The following PALM2AKAP2 variants were observed in gnomAD, a reference collection of about 807,000 sequenced individuals.
PALM2AKAP2 encodes the protein PALM2-AKAP2 fusion protein.
Under a neutral mutation model 71.5 loss-of-function variants are expected in PALM2AKAP2, and 37 were observed. The observed-to-expected ratio is 0.52, with a 90% CI of 0.40 to 0.68. PALM2AKAP2 has a LOEUF of 0.68. Ranked by LOEUF, PALM2AKAP2 falls within the 30% of genes least tolerant of loss-of-function variation. The probability of loss-of-function intolerance (pLI) is 0.00; values close to 1 mark genes in which losing one functional copy is unlikely to be tolerated. For missense variants in PALM2AKAP2, 1,224 were observed against 1,191.8 expected (o/e 1.03, Z -0.40); for synonymous variants, 468 against 478.8 (o/e 0.98, Z 0.29).
At chr9:109,828,124 T>C (rs1288674580) in intron 1 of PALM2AKAP2, among the ~76,000 whole-genome samples, 1 of 152,142 alleles carries the variant, frequency 6.6e-6, no homozygotes, top group African/African-American at 2.4e-5. Context: ...TAAAATACTG[T>C]AGTTGAGGGA....
intron 1 of PALM2AKAP2, among the ~76,000 whole-genome samples, chr9:110,103,787 A>G (rs1361670591): frequency 2.6e-5 from 4 of 152,212 alleles, no homozygotes; most frequent in Non-Finnish European, 5.9e-5. Flanking sequence ...TTGAGATGCT[A>G]TCTGAGGCCA....
At chr9:109,730,889 C>T (rs184586544) in intron 1 of PALM2AKAP2, among the ~76,000 whole-genome samples, 2 of 151,932 alleles carry the variant, frequency 1.3e-5, no homozygotes, top group East Asian at 1.9e-4. Context: ...TCTTGAATAG[C>T]GCTCATTTGC....
chr9:109,826,239 T>C (rs1241580461), intron 1 of PALM2AKAP2, among the ~76,000 whole-genome samples: 1 of 151,928 alleles, frequency 6.6e-6, no homozygotes, highest in Non-Finnish European at 1.5e-5. Flanking sequence ...GGGGGAGGGA[T>C]AGCATTAGGA....
chr9:109,757,652 T>G (rs1004252468), intron 1 of PALM2AKAP2, among the ~76,000 whole-genome samples: 1 of 152,018 alleles, frequency 6.6e-6, no homozygotes, highest in Non-Finnish European at 1.5e-5. Context: ...AGAGAATCCA[T>G]GTTCACTTCC....
intron 1 of PALM2AKAP2, among the ~76,000 whole-genome samples, chr9:109,641,241 T>C (rs1827064142): frequency 6.6e-6 from 1 of 152,210 alleles, no homozygotes; most frequent in South Asian, 2.1e-4. Context: ...ATTATTGGAC[T>C]GCAGTTAAAA....
chr9:110,133,819 TG>T (rs942685501), intron 1 of PALM2AKAP2, among the ~76,000 whole-genome samples: 17 of 152,348 alleles, frequency 1.1e-4, no homozygotes, highest in African/African-American at 3.8e-4. Context: ...TCTCTTTGTT[TG>T]TCTTCTTATT....
intron 1 of PALM2AKAP2, among the ~76,000 whole-genome samples, chr9:110,076,095 A>T (rs1322883509): frequency 6.6e-6 from 1 of 152,048 alleles, no homozygotes; most frequent in Admixed American, 6.6e-5. Flanking sequence ...CAACACCAGG[A>T]TCCAATCCTG....
chr9:109,783,967 T>A (rs1023433578), intron 1 of PALM2AKAP2, among the ~76,000 whole-genome samples: 17 of 152,232 alleles, frequency 1.1e-4, no homozygotes, highest in Admixed American at 1.3e-4. Flanking sequence ...AATCTTCCAT[T>A]TGGATCCAGG....
At chr9:109,644,940 C>T (rs928741358) in intron 1 of PALM2AKAP2, among the ~76,000 whole-genome samples, 10 of 152,168 alleles carry the variant, frequency 6.6e-5, no homozygotes, top group Admixed American at 1.3e-4. Flanking sequence ...TAGGGAGTTC[C>T]GAACTTTCCC....
chr9:109,977,415 G>C (rs529194556), intron 6 of PALM2AKAP2, among the ~76,000 whole-genome samples: 1 of 152,070 alleles, frequency 6.6e-6, no homozygotes, highest in Non-Finnish European at 1.5e-5. Context: ...TGACTTGCTC[G>C]ACATGCTAGT....
At chr9:109,968,194 G>A (rs1831992528) in intron 6 of PALM2AKAP2, among the ~76,000 whole-genome samples, 1 of 152,216 alleles carries the variant, frequency 6.6e-6, no homozygotes, top group African/African-American at 2.4e-5. Context: ...CCCAGGGAGA[G>A]GGACTCCTGC....
chr9:109,780,667 G>A, intron 1 of PALM2AKAP2, 134 bp downstream of exon 1: 1 of 1,291,680 alleles, frequency 7.7e-7, no homozygotes, highest in East Asian at 2.3e-5. Flanking sequence ...CTCTGTCAGG[G>A]CTCAGCTAGG....
intron 6 of PALM2AKAP2, among the ~76,000 whole-genome samples, chr9:110,004,009 GGAGCA>G (rs1564254866): frequency 6.6e-6 from 1 of 152,042 alleles, no homozygotes; most frequent in African/African-American, 2.4e-5. Context: ...TCTTTTAATT[GGAGCA>G]TTTAGCCCAT....
chr9:109,924,269 G>A (rs551215051), intron 4 of PALM2AKAP2, among the ~76,000 whole-genome samples: 1 of 152,200 alleles, frequency 6.6e-6, no homozygotes, highest in African/African-American at 2.4e-5. Flanking sequence ...ACCTTATGAA[G>A]TGGACAAGAA....
At chr9:109,924,844 A>T (rs988843027) in intron 4 of PALM2AKAP2, among the ~76,000 whole-genome samples, 1 of 152,224 alleles carries the variant, frequency 6.6e-6, no homozygotes, top group Non-Finnish European at 1.5e-5. Context: ...CATTGAAATA[A>T]ATCTCTATTG....
intron 2 of PALM2AKAP2, 140 bp from the exon 3 acceptor site, chr9:109,880,411 G>C: frequency 8.0e-7 from 1 of 1,247,482 alleles, no homozygotes; most frequent in Non-Finnish European, 1.1e-6. Context: ...GAAGTAGGGA[G>C]CCATGTTAGT....
At chr9:110,057,741 T>A (rs1278804206) in intron 1 of PALM2AKAP2, among the ~76,000 whole-genome samples, 1 of 152,218 alleles carries the variant, frequency 6.6e-6, no homozygotes, top group Non-Finnish European at 1.5e-5. Flanking sequence ...TCTGGGGACC[T>A]GCAGCATTCC....
At chr9:110,165,402 T>G (rs1246838438) in intron 3 of PALM2AKAP2, among the ~76,000 whole-genome samples, 1 of 152,042 alleles carries the variant, frequency 6.6e-6, no homozygotes. Context: ...CCAGTTGTGG[T>G]GCAGCTTTAC....
chr9:109,807,664 G>A (rs1006519601), intron 1 of PALM2AKAP2, among the ~76,000 whole-genome samples: 3 of 151,686 alleles, frequency 2.0e-5, no homozygotes, highest in African/African-American at 7.3e-5. Flanking sequence ...TTAATCACTA[G>A]CAATGACATG....
Sources: gnomAD v4.1 joint callset for allele counts (sites outside exome capture counted in the v4.1 genomes callset) on GRCh38, gnomAD v4.1.1 for gene constraint, MANE v1.5 for transcripts, NCBI Gene and HGNC (gene_info 2026-07-23, HGNC 2026-07-21) for gene names.